Variants in ANKEF1 observed in about 807,000 individuals in gnomAD.
ANKEF1 encodes the protein ankyrin repeat and EF-hand domain containing 1.
Under a neutral mutation model 65.1 loss-of-function variants are expected in ANKEF1, and 43 were observed. The observed-to-expected ratio is 0.66, with a 90% confidence interval of 0.52 to 0.85. The LOEUF is 0.85. Among genes scored for constraint, ANKEF1 ranks in the 40% least tolerant of loss-of-function variants. The pLI is 0.00. For missense variants in ANKEF1, 934 were observed against 952.9 expected (o/e 0.98, Z 0.26); for synonymous variants, 316 against 341.5 (o/e 0.93, Z 0.82).
chr20:10,046,611 T>C (rs1335286847), intron 6 of ANKEF1, among the ~76,000 whole-genome samples: 1 of 152,186 alleles, frequency 6.6e-6, no homozygotes, highest in Non-Finnish European at 1.5e-5. Context: ...GGATATGTAT[T>C]TTTTGTTAAT....
At chr20:10,054,627 C>T in intron 10 of ANKEF1, 28 bp downstream of exon 10, 2 of 1,591,446 alleles carry the variant, frequency 1.3e-6, no homozygotes, top group East Asian at 2.3e-5. Context: ...ATCTTCATAG[C>T]ATGGTAGAAG....
intron 5 of ANKEF1, among the ~76,000 whole-genome samples, chr20:10,045,312 G>A: frequency 6.6e-6 from 1 of 152,076 alleles, no homozygotes; most frequent in Non-Finnish European, 1.5e-5. Context: ...AGAACTTTTG[G>A]TGATGATGGG....
chr20:10,049,397 C>G lies in ANKEF1; in HGVS notation c.828C>G (p.Asp276Glu), dbSNP rs1984699770. Reference sequence around the variant, plus strand: ...TGATGCTTTATGTTTTAGGATGTGACCTGAAATGGAAGAATTTAGATCATA... The same window carrying G: ...TGATGCTTTATGTTTTAGGATGTGAGCTGAAATGGAAGAATTTAGATCATA... ...CCKYIAQRGC[D>E]LKWKNLDHKT... is the part of the protein sequence containing the mutation. Residue 276 changes from aspartate (D) to glutamate (E), a missense_variant, in exon 7 of 11, where the codon GAC becomes GAG. Coordinates refer to ENST00000378392, the MANE Select transcript of ANKEF1 (RefSeq NM_022096.6). The G allele has an allele frequency of 3.7e-6, 6 of 1,609,626 alleles. No individual in the cohort carries two copies. Among genetic ancestry groups the G allele is most frequent in the Non-Finnish European group, 4.2e-6 (5 of 1,178,448 alleles).
Position 10,049,445 on chromosome 20 carries a change from G to A in ANKEF1, c.876G>A (p.Lys292=), listed in dbSNP as rs1234340688. 1 of 1,614,058 alleles carries A rather than the reference G, an allele frequency of 6.2e-7. No individual in the cohort carries two copies. The highest frequency in any genetic ancestry group is 8.5e-7 in the Non-Finnish European group (1 of 1,180,018). ...LDHKTPRAVA[K]EGGFKAASKE... is the part of the protein sequence containing the mutation. Reference sequence around the variant, plus strand: ...ATAAAACGCCCAGGGCTGTGGCTAAGGAAGGCGGCTTCAAAGCAGCAAGCA... The same window carrying A: ...ATAAAACGCCCAGGGCTGTGGCTAAAGAAGGCGGCTTCAAAGCAGCAAGCA... Residue 292 remains lysine, a synonymous_variant, in exon 7 of 11, where the codon AAG becomes AAA. Coordinates refer to ENST00000378392, the MANE Select transcript of ANKEF1 (RefSeq NM_022096.6).
intron 3 of ANKEF1, among the ~76,000 whole-genome samples, chr20:10,041,180 G>A (rs1206285758): frequency 6.6e-6 from 1 of 151,704 alleles, no homozygotes; most frequent in Non-Finnish European, 1.5e-5. Flanking sequence ...ACATGTGAAA[G>A]TATTGTCATA....
At chr20:10,050,886 T>C (rs1359376066) in intron 7 of ANKEF1, among the ~76,000 whole-genome samples, 1 of 152,174 alleles carries the variant, frequency 6.6e-6, no homozygotes, top group Non-Finnish European at 1.5e-5. Context: ...CCTCCTCCAG[T>C]GTGGGGCATC....
At chr20:10,051,611 C>T in intron 7 of ANKEF1, 52 bp from the exon 8 acceptor site, 1 of 1,370,554 alleles carries the variant, frequency 7.3e-7, no homozygotes. Context: ...TTTTTAGTGT[C>T]CAGTCATTGG....
chr20:10,052,225 A>G (rs1984903014), intron 8 of ANKEF1, among the ~76,000 whole-genome samples: 2 of 152,188 alleles, frequency 1.3e-5, no homozygotes, highest in South Asian at 2.1e-4. Flanking sequence ...AAATTATATT[A>G]AGTTGCTAAA....
intron 4 of ANKEF1, among the ~76,000 whole-genome samples, chr20:10,043,674 T>C (rs1437793822): frequency 7.0e-6 from 1 of 142,798 alleles, no homozygotes; most frequent in African/African-American, 2.7e-5. Flanking sequence ...TTTTTTTTTT[T>C]TGGAGACAGC....
At chr20:10,044,282 A>G (rs1387244684) in intron 4 of ANKEF1, 112 bp from the exon 5 acceptor site, 2 of 1,238,508 alleles carry the variant, frequency 1.6e-6, no homozygotes, top group Non-Finnish European at 2.2e-6. Context: ...AGAGAACTAA[A>G]CTTGTAAGTG....
chr20:10,039,063 A>G (rs1984029147), intron 3 of ANKEF1, among the ~76,000 whole-genome samples: 1 of 152,246 alleles, frequency 6.6e-6, no homozygotes, highest in African/African-American at 2.4e-5. Flanking sequence ...GACCCCCTCA[A>G]TAGCAGTCTG....
chr20:10,052,133 A>G (rs576006464), intron 8 of ANKEF1, among the ~76,000 whole-genome samples: 41 of 152,246 alleles, frequency 2.7e-4, no homozygotes, highest in African/African-American at 9.6e-4. Flanking sequence ...GTAAAATATA[A>G]TAAAATTATT....
chr20:10,044,137 C>A (rs1968262322), intron 4 of ANKEF1, among the ~76,000 whole-genome samples: 1 of 152,120 alleles, frequency 6.6e-6, no homozygotes, highest in Admixed American at 6.5e-5. Flanking sequence ...GCAAGAAATA[C>A]ATTTTTTAGC....
At chr20:10,045,736 G>A in intron 6 of ANKEF1, 39 bp downstream of exon 6, 2 of 1,607,590 alleles carry the variant, frequency 1.2e-6, no homozygotes, top group Non-Finnish European at 1.7e-6. Flanking sequence ...AAGTACTTAT[G>A]ATTTACCCAT....
chr20:10,048,127 C>T (rs1043169275), intron 6 of ANKEF1, among the ~76,000 whole-genome samples: 2 of 152,114 alleles, frequency 1.3e-5, no homozygotes, highest in Non-Finnish European at 2.9e-5. Context: ...GTTCTTAAAA[C>T]TATCCAATAT....
At position 10,050,016 on chromosome 20, in the gene ANKEF1, G is replaced by A; in HGVS notation, c.1447G>A (p.Val483Ile). The change falls in exon 7 of 11, where the codon GTT (valine) becomes ATT (isoleucine). Residue 483 changes from valine (V) to isoleucine (I), a missense_variant. Coordinates refer to ENST00000378392, the MANE Select transcript of ANKEF1 (RefSeq NM_022096.6). ...AGAACATCCCATTCAGGATGACTCTGTTTGGTACATTGATGATTCAGAGAA... is the reference window on the plus strand; with the variant it reads ...AGAACATCCCATTCAGGATGACTCTATTTGGTACATTGATGATTCAGAGAA... ...PPEHPIQDDSVWYIDDSEKVF... is the reference protein window; with the variant it reads ...PPEHPIQDDSIWYIDDSEKVF... The A allele has an allele frequency of 6.2e-7, 1 of 1,614,146 alleles. No individual in the cohort carries two copies. Among genetic ancestry groups the A allele is most frequent in the Non-Finnish European group, 8.5e-7 (1 of 1,180,012 alleles).
In ANKEF1 at chr20:10,055,831, G is replaced by A. The variant is rs1247074000; in HGVS notation, c.*171G>A. On this transcript the variant is annotated 3_prime_UTR_variant, in exon 11 of 11. Transcript: ENST00000378392. The stretch of plus-strand genomic sequence containing the variant: ...ATTCTTAGCTGTCTAGAGAAAAGAT[G>A]TATGTTATTTTGAAATGAATGGTAT... The A allele has an allele frequency of 2.6e-5, 17 of 641,606 alleles. No homozygotes were observed. The highest frequency in any genetic ancestry group is 4.5e-5 in the Non-Finnish European group (17 of 379,790). The allele number at this position is 641,606 out of a possible 1,614,324, so 39.7% of individuals were successfully genotyped here.
chr20:10,048,433 T>C (rs1313110567), intron 6 of ANKEF1, among the ~76,000 whole-genome samples: 1 of 152,186 alleles, frequency 6.6e-6, no homozygotes, highest in Non-Finnish European at 1.5e-5. Context: ...TACGCTCTTT[T>C]AGCTATTTAA....
intron 3 of ANKEF1, among the ~76,000 whole-genome samples, chr20:10,042,762 G>T (rs1033098379): frequency 7.9e-5 from 12 of 152,104 alleles, no homozygotes; most frequent in Non-Finnish European, 1.5e-4. Context: ...GGGACCGGGG[G>T]ACTTACCAGT....
Sources: allele counts gnomAD v4.1 joint callset (sites outside exome capture counted in the v4.1 genomes callset), GRCh38; gene constraint gnomAD v4.1.1; transcripts MANE v1.5; gene names NCBI Gene and HGNC (gene_info 2026-07-23, HGNC 2026-07-21).